FANCC: variants seen among roughly 807,000 people sequenced by gnomAD.
FANCC encodes FA complementation group C.
In FANCC, 55 loss-of-function variants were observed where a neutral mutation model predicts 71.3. That is an observed-to-expected ratio of 0.77 (90% CI 0.62 to 0.97). The LOEUF is 0.97. FANCC is among the 50% of genes least tolerant of loss of function. The pLI, the probability that FANCC is intolerant of heterozygous loss-of-function variation, is 0.00. For missense variants in FANCC, 678 were observed against 670.9 expected (o/e 1.01, Z -0.12); for synonymous variants, 275 against 244.9 (o/e 1.12, Z -1.15).
intron 4 of FANCC, among the ~76,000 whole-genome samples, chr9:95,209,803 C>A (rs1441614524): frequency 6.6e-6 from 1 of 152,168 alleles, no homozygotes; most frequent in African/African-American, 2.4e-5. Flanking sequence ...GCCCTCATAA[C>A]CCCTTGCCTG....
chr9:95,264,786 C>T (rs946686920), intron 1 of FANCC, among the ~76,000 whole-genome samples: 6 of 152,072 alleles, frequency 3.9e-5, no homozygotes, highest in African/African-American at 1.4e-4. Flanking sequence ...ATGACCTTGT[C>T]AGAAAATATT....
At chr9:95,220,799 A>G (rs1416852152) in intron 4 of FANCC, among the ~76,000 whole-genome samples, 1 of 152,128 alleles carries the variant, frequency 6.6e-6, no homozygotes, top group Non-Finnish European at 1.5e-5. Context: ...GCACACCAAC[A>G]TGGCACATGT....
At chr9:95,159,526 A>G (rs1445481850) in intron 6 of FANCC, among the ~76,000 whole-genome samples, 1 of 152,242 alleles carries the variant, frequency 6.6e-6, no homozygotes, top group South Asian at 2.1e-4. Context: ...AGCATGATTT[A>G]TAATCCTTTG....
rs551014884 is a variant in FANCC at position 95,199,541 on chromosome 9, C to G, written c.346-27394G>C. ...CCACCCTTCTCCCAGGGCGTGGTCT[C>G]TCGGTCTAAGGAAGTACTGACTGAT... On this transcript the variant is annotated intron_variant, in intron 4 of 14. Transcript: ENST00000289081. Among the ~76,000 whole-genome samples the G allele has an allele frequency of 9.8e-5, 15 of 152,346 alleles. No individual in the cohort carries two copies. The East Asian group carries it at 2.7e-3, about 27-fold the overall frequency.
chr9:95,222,257 T>G (rs1472534486), intron 4 of FANCC, among the ~76,000 whole-genome samples: 1 of 148,178 alleles, frequency 6.7e-6, no homozygotes, highest in African/African-American at 2.5e-5. Flanking sequence ...AATGAACAGA[T>G]AAACAAACTG....
intron 10 of FANCC, among the ~76,000 whole-genome samples, chr9:95,122,747 G>A (rs1329880799): frequency 6.6e-6 from 1 of 152,206 alleles, no homozygotes; most frequent in Non-Finnish European, 1.5e-5. Context: ...GCACTCCTCC[G>A]TGGCCTCTGC....
chr9:95,136,831 T>TTAAGG (rs1304141987), intron 7 of FANCC, among the ~76,000 whole-genome samples: 1 of 152,192 alleles, frequency 6.6e-6, no homozygotes, highest in Non-Finnish European at 1.5e-5. Context: ...GGAACATATA[T>TTAAGG]TAAGGTCCTC....
intron 4 of FANCC, among the ~76,000 whole-genome samples, chr9:95,233,205 A>T (rs1251598459): frequency 6.6e-6 from 1 of 152,134 alleles, no homozygotes; most frequent in East Asian, 1.9e-4. Flanking sequence ...TTATCAATTA[A>T]TCTTTAAAAA....
intron 13 of FANCC, chr9:95,110,272 C>A (rs2071809319): frequency 9.9e-7 from 1 of 1,010,946 alleles, no homozygotes. Flanking sequence ...AAAAGTGATT[C>A]TCTGTCAGTA....
Position 95,150,088 on chromosome 9 carries a change from C to G in FANCC, c.522-1G>C, listed in dbSNP as rs1014112491. 12 of 1,613,902 alleles carry G rather than the reference C, an allele frequency of 7.4e-6. No individual in the cohort carries two copies. The highest frequency in any genetic ancestry group is 9.3e-6 in the Non-Finnish European group (11 of 1,179,988). ...GGACGCCACTCGCTCGGGAGCCATT[C>G]TATGGAAGAAATAAGAAATAATCAC... On this transcript the variant is annotated splice_acceptor_variant, in intron 6 of 14. Coordinates refer to ENST00000289081, the MANE Select transcript of FANCC (RefSeq NM_000136.3). LOFTEE classifies it high-confidence loss of function.
intron 1 of FANCC, among the ~76,000 whole-genome samples, chr9:95,277,115 T>C (rs1227073685): frequency 6.6e-6 from 1 of 152,170 alleles, no homozygotes; most frequent in Non-Finnish European, 1.5e-5. Flanking sequence ...CCATTTCAAT[T>C]CAATTTTTCT....
intron 11 of FANCC, among the ~76,000 whole-genome samples, chr9:95,115,297 C>T (rs2072303455): frequency 6.6e-6 from 1 of 152,154 alleles, no homozygotes; most frequent in Admixed American, 6.5e-5. Context: ...ATAAGCAGCC[C>T]CCGCTGAGAC....
At chr9:95,154,354 C>G (rs1830343191) in intron 6 of FANCC, among the ~76,000 whole-genome samples, 1 of 148,274 alleles carries the variant, frequency 6.7e-6, no homozygotes, top group Non-Finnish European at 1.5e-5. Flanking sequence ...TAAGCACAAA[C>G]ACTTTGGAGA....
At chr9:95,131,339 A>G (rs1826883588) in intron 8 of FANCC, among the ~76,000 whole-genome samples, 1 of 152,204 alleles carries the variant, frequency 6.6e-6, no homozygotes, top group Admixed American at 6.5e-5. Flanking sequence ...AAAGCTCCTC[A>G]GCCCCCTGCT....
In FANCC at chr9:95,146,608, A is replaced by T. The variant is rs956069711; in HGVS notation, c.686+3315T>A. 5.9e-5 allele frequency among the ~76,000 whole-genome samples: 9 copies of T among 152,264 alleles called. No homozygotes were observed. The East Asian group carries it at 1.5e-3, about 26-fold the overall frequency. On this transcript the variant is annotated intron_variant, in intron 7 of 14. Transcript: ENST00000289081. ...AAGCAGTAAGTATCATTTTAAAATC[A>T]CATTGCATGTATACCTTGAATTCGG...
chr9:95,187,114 T>C (rs948258188), intron 4 of FANCC, among the ~76,000 whole-genome samples: 3 of 151,258 alleles, frequency 2.0e-5, no homozygotes, highest in Admixed American at 2.0e-4. Context: ...TCCTCAGTTT[T>C]CAATTCCATA....
At chr9:95,262,005 CA>C (rs1314770882) in intron 1 of FANCC, among the ~76,000 whole-genome samples, 17 of 152,180 alleles carry the variant, frequency 1.1e-4, no homozygotes, top group African/African-American at 3.9e-4. Context: ...GGACCACTGC[CA>C]TTGCCCTTCT....
intron 1 of FANCC, among the ~76,000 whole-genome samples, chr9:95,284,893 C>T (rs987336089): frequency 6.6e-5 from 10 of 151,704 alleles, no homozygotes; most frequent in African/African-American, 4.8e-5. Context: ...CACACACACA[C>T]ACACACACAC....
chr9:95,124,099 G>C lies in FANCC; in HGVS notation c.996+987C>G, dbSNP rs529351702. ...AGCCTGGGTGACAGAGTAAAACCTT[G>C]TCTCAAAAAAAAAAAAAAAAAAAAA... is the stretch of plus-strand genomic sequence containing the variant. On this transcript the variant is annotated intron_variant, in intron 10 of 14. Transcript: ENST00000289081. Among the ~76,000 whole-genome samples the C allele has an allele frequency of 9.8e-5, 3 of 30,658 alleles. No individual in the cohort carries two copies. In the East Asian group the frequency reaches 3.2e-3, roughly 32 times the overall value. The allele number at this position is 30,658 out of a possible 152,430, so 20.1% of individuals were successfully genotyped here.
Sources: allele counts gnomAD v4.1 joint callset (sites outside exome capture counted in the v4.1 genomes callset), GRCh38; gene constraint gnomAD v4.1.1; transcripts MANE v1.5; gene names NCBI Gene and HGNC (gene_info 2026-07-23, HGNC 2026-07-21).